MCUB: variants seen among roughly 807,000 people sequenced by gnomAD.
MCUB encodes the protein mitochondrial calcium uniporter dominant negative subunit beta, also known as calcium uniporter regulatory subunit MCUb, mitochondrial.
In MCUB, 46 loss-of-function variants were observed where a neutral mutation model predicts 41.4. The ratio of observed to expected loss-of-function variants is 1.11; its 90% CI spans 0.88 to 1.42. The LOEUF (loss-of-function observed/expected upper bound fraction) is 1.42. MCUB is among the 40% of genes most tolerant of loss of function. The pLI is 0.00. For missense variants in MCUB, 403 were observed against 404.9 expected (o/e 1.00, Z 0.04); for synonymous variants, 148 against 148.2 (o/e 1.00, Z 0.01).
At chr4:109,665,935 A>G (rs1247875560) in intron 4 of MCUB, among the ~76,000 whole-genome samples, 1 of 151,858 alleles carries the variant, frequency 6.6e-6, no homozygotes, top group African/African-American at 2.4e-5. Context: ...GAGGAGTGAA[A>G]AAAGGGGGAG....
rs895541483 is a variant in MCUB at position 109,599,101 on chromosome 4, A to G, written c.99+38665A>G. 3.3e-5 allele frequency among the ~76,000 whole-genome samples: 5 copies of G among 152,348 alleles called. No homozygotes were observed. The South Asian group carries it at 6.2e-4, about 19-fold the overall frequency. The stretch of plus-strand genomic sequence containing the variant: ...GAAAGTAGAGAAGGTCTTCTCAACA[A>G]TGGATATTTAATTAAGCTCTGTCGT... On this transcript the variant is annotated intron_variant, in intron 1 of 7. Transcript: ENST00000394650.
At chr4:109,666,952 G>A (rs1225152634) in intron 4 of MCUB, among the ~76,000 whole-genome samples, 1 of 152,128 alleles carries the variant, frequency 6.6e-6, no homozygotes, top group Non-Finnish European at 1.5e-5. Flanking sequence ...TAGTTGTGGT[G>A]TAGCAATCTT....
chr4:109,573,240 C>T (rs1019294550), intron 1 of MCUB, among the ~76,000 whole-genome samples: 1 of 152,092 alleles, frequency 6.6e-6, no homozygotes, highest in Non-Finnish European at 1.5e-5. Context: ...ATCATGTGGT[C>T]AGGAGATAGG....
intron 1 of MCUB, among the ~76,000 whole-genome samples, chr4:109,563,684 T>C (rs1726694607): frequency 6.6e-6 from 1 of 152,214 alleles, no homozygotes; most frequent in Admixed American, 6.5e-5. Flanking sequence ...TTGCTTGTTA[T>C]TGTGATTAAA....
chr4:109,583,513 A>G (rs930962832), intron 1 of MCUB, among the ~76,000 whole-genome samples: 2 of 152,146 alleles, frequency 1.3e-5, no homozygotes, highest in South Asian at 4.1e-4. Flanking sequence ...TGCAGACAGG[A>G]ACAATTTGAC....
At chr4:109,603,062 T>C (rs1201231716) in intron 1 of MCUB, among the ~76,000 whole-genome samples, 1 of 152,186 alleles carries the variant, frequency 6.6e-6, no homozygotes, top group African/African-American at 2.4e-5. Flanking sequence ...ATGAAATTTA[T>C]CAGGTTTAAT....
intron 1 of MCUB, among the ~76,000 whole-genome samples, chr4:109,621,388 T>C (rs1397181037): frequency 3.3e-5 from 5 of 152,168 alleles, no homozygotes; most frequent in Admixed American, 6.5e-5. Flanking sequence ...TGAAGGCTAC[T>C]CTTAGAGTTG....
At chr4:109,621,628 T>C (rs1392312992) in intron 1 of MCUB, among the ~76,000 whole-genome samples, 7 of 152,206 alleles carry the variant, frequency 4.6e-5, no homozygotes, top group Non-Finnish European at 1.0e-4. Flanking sequence ...ACAGTGGCCG[T>C]ACACAGAAGA....
intron 3 of MCUB, among the ~76,000 whole-genome samples, chr4:109,661,677 C>A (rs960912834): frequency 3.3e-5 from 5 of 151,882 alleles, no homozygotes; most frequent in Non-Finnish European, 5.9e-5. Flanking sequence ...CAGGGGTGGG[C>A]TTGATAAGAT....
chr4:109,592,425 A>G (rs1727459496), intron 1 of MCUB, among the ~76,000 whole-genome samples: 1 of 151,804 alleles, frequency 6.6e-6, no homozygotes, highest in African/African-American at 2.4e-5. Context: ...AAAAAAAATT[A>G]TATGTATATA....
intron 1 of MCUB, among the ~76,000 whole-genome samples, chr4:109,611,447 T>C (rs532928019): frequency 6.6e-6 from 1 of 152,358 alleles, no homozygotes; most frequent in East Asian, 1.9e-4. Context: ...TCTAGCTTTA[T>C]GGTGTATGTA....
intron 4 of MCUB, among the ~76,000 whole-genome samples, chr4:109,672,691 G>A: frequency 6.6e-6 from 1 of 152,268 alleles, no homozygotes. Flanking sequence ...TTCTAGATCA[G>A]GCAAGAGCCA....
At chr4:109,569,293 G>A (rs1358809228) in intron 1 of MCUB, among the ~76,000 whole-genome samples, 8 of 151,998 alleles carry the variant, frequency 5.3e-5, no homozygotes, top group South Asian at 2.1e-4. Context: ...TGATCCGCCC[G>A]TCTCGGCCTC....
At chr4:109,617,168 C>G (rs1728145200) in intron 1 of MCUB, among the ~76,000 whole-genome samples, 1 of 152,220 alleles carries the variant, frequency 6.6e-6, no homozygotes, top group African/African-American at 2.4e-5. Context: ...TGCCTCAACT[C>G]TGGCACAGAT....
At chr4:109,640,074 G>T (rs1289767227) in intron 1 of MCUB, among the ~76,000 whole-genome samples, 1 of 152,220 alleles carries the variant, frequency 6.6e-6, no homozygotes, top group Non-Finnish European at 1.5e-5. Context: ...TTTGGGATAG[G>T]CGGTAGAATT....
At chr4:109,601,822 C>T (rs1362572623) in intron 1 of MCUB, among the ~76,000 whole-genome samples, 1 of 152,136 alleles carries the variant, frequency 6.6e-6, no homozygotes, top group Non-Finnish European at 1.5e-5. Context: ...AACTGTTCTC[C>T]TTAGTGGTTG....
intron 1 of MCUB, among the ~76,000 whole-genome samples, chr4:109,588,142 T>C (rs1167217978): frequency 6.6e-6 from 1 of 152,258 alleles, no homozygotes; most frequent in African/African-American, 2.4e-5. Context: ...AATTTTATGA[T>C]GGCCTCTTCA....
In MCUB at chr4:109,560,739, C is replaced by G. The variant is rs865808366; in HGVS notation, c.99+303C>G. On this transcript the variant is annotated intron_variant, in intron 1 of 7. Coordinates refer to ENST00000394650, the MANE Select transcript of MCUB (RefSeq NM_017918.5). ...CCACCAGACTTCGGCCTGGGAGCAG[C>G]AGAATAACCTGGGAGGCAGTTTCTG... Among the ~76,000 whole-genome samples the G allele has an allele frequency of 2.6e-5, 4 of 152,194 alleles. No homozygotes were observed. In the South Asian group the frequency reaches 8.3e-4, roughly 32 times the overall value.
rs552188327 is a variant in MCUB at position 109,598,171 on chromosome 4, C to G, written c.99+37735C>G. Among the ~76,000 whole-genome samples the G allele has an allele frequency of 3.1e-3, 457 of 148,862 alleles. 5 individuals carry two copies. The highest frequency in any genetic ancestry group is 0.012 in the East Asian group (60 of 4,966). ...GACGATGGGCAGCCAGGCAGAGACG[C>G]TCCTCACTTCCCAGACGGGGTGGCG... On this transcript the variant is annotated intron_variant, in intron 1 of 7. Coordinates refer to ENST00000394650, the MANE Select transcript of MCUB (RefSeq NM_017918.5).
Sources: allele counts gnomAD v4.1 joint callset (sites outside exome capture counted in the v4.1 genomes callset), GRCh38; gene constraint gnomAD v4.1.1; transcripts MANE v1.5; gene names NCBI Gene and HGNC (gene_info 2026-07-23, HGNC 2026-07-21).